The following TLN2 variants were observed in gnomAD, a reference collection of about 807,000 sequenced individuals.
The protein encoded by TLN2 is talin 2.
Under a neutral mutation model 294.7 loss-of-function variants are expected in TLN2, and 118 were observed. The ratio of observed to expected loss-of-function variants is 0.40; its 90% CI spans 0.34 to 0.47. The LOEUF (loss-of-function observed/expected upper bound fraction) is 0.47. TLN2 is among the 20% of genes least tolerant of loss of function. The pLI is 0.84. For synonymous variants in TLN2, 1,431 were observed against 1,304.5 expected, an observed-to-expected ratio of 1.10 and a Z score of -2.09; for missense variants, 3,083 against 3,282.2, an observed-to-expected ratio of 0.94 and a Z score of 1.48.
At chr15:62,702,236 A>C in intron 18 of TLN2, 36 bp downstream of exon 18, 2 of 1,542,080 alleles carry the variant, frequency 1.3e-6, no homozygotes. Context: ...TCAGGTTCTG[A>C]TGGGACAGCT....
chr15:62,676,815 G>T (rs547673625), intron 11 of TLN2, among the ~76,000 whole-genome samples: 1 of 152,096 alleles, frequency 6.6e-6, no homozygotes, highest in Non-Finnish European at 1.5e-5. Context: ...GGGTTTCACC[G>T]TGTTGCCCAG....
chr15:62,603,777 G>A (rs932538354), intron 2 of TLN2, among the ~76,000 whole-genome samples: 2 of 152,130 alleles, frequency 1.3e-5, no homozygotes, highest in African/African-American at 4.8e-5. Flanking sequence ...GGTGGAATCT[G>A]TGTTATGTCT....
chr15:62,509,729 C>T lies in TLN2; in HGVS notation c.-237-79958C>T, dbSNP rs546826876. On this transcript the variant is annotated intron_variant, in intron 1 of 58. Transcript: ENST00000636159. ...GCTTGTCAGGTCATGGCCATCCGTGCGCCTCCTTTACAGACAGGACCACTG... is the reference window on the plus strand; with the variant it reads ...GCTTGTCAGGTCATGGCCATCCGTGTGCCTCCTTTACAGACAGGACCACTG... Among the ~76,000 whole-genome samples, 36 of 152,234 alleles carry T rather than the reference C, an allele frequency of 2.4e-4. No individual in the cohort carries two copies. The South Asian group carries it at 6.2e-3, about 26-fold the overall frequency.
chr15:62,825,230 C>T (rs1025535196), intron 54 of TLN2, among the ~76,000 whole-genome samples: 1 of 152,144 alleles, frequency 6.6e-6, no homozygotes, highest in Non-Finnish European at 1.5e-5. Context: ...AGAACACCGG[C>T]TTTGGTTTTG....
In TLN2 at chr15:62,761,828, A is replaced by G; in HGVS notation, c.4779+7A>G. 6.2e-7 allele frequency: 1 copy of G among 1,613,992 alleles called. No homozygotes were observed. Among genetic ancestry groups the G allele is most frequent in the Non-Finnish European group, 8.5e-7 (1 of 1,179,936 alleles). ...TGCCCAGATCAGCTCCGAGGTAGGGAGTGTTTACAGGAACATCATACTAAG... is the reference window on the plus strand; with the variant it reads ...TGCCCAGATCAGCTCCGAGGTAGGGGGTGTTTACAGGAACATCATACTAAG... On this transcript the variant is annotated splice_region_variant and intron_variant, in intron 38 of 58. Coordinates refer to ENST00000636159, the MANE Select transcript of TLN2 (RefSeq NM_015059.3).
intron 2 of TLN2, among the ~76,000 whole-genome samples, chr15:62,616,379 G>A (rs1032654705): frequency 6.6e-6 from 1 of 152,184 alleles, no homozygotes; most frequent in African/African-American, 2.4e-5. Flanking sequence ...TGGCAAACAA[G>A]TTTCCATCTT....
intron 1 of TLN2, among the ~76,000 whole-genome samples, chr15:62,560,391 G>A (rs896682503): frequency 6.6e-6 from 1 of 152,104 alleles, no homozygotes; most frequent in Non-Finnish European, 1.5e-5. Context: ...AGGCTGGGGT[G>A]GAGTCTTGGG....
chr15:62,735,275 TTCA>T (rs2060948914), intron 28 of TLN2, among the ~76,000 whole-genome samples: 1 of 152,216 alleles, frequency 6.6e-6, no homozygotes, highest in African/African-American at 2.4e-5. Context: ...ATCTCCAGTC[TTCA>T]TCCTCTTCTT....
At chr15:62,635,006 C>T (rs1173389898) in intron 3 of TLN2, among the ~76,000 whole-genome samples, 1 of 152,196 alleles carries the variant, frequency 6.6e-6, no homozygotes, top group East Asian at 1.9e-4. Flanking sequence ...TTTGTCAATT[C>T]TGTCTCTTGG....
At chr15:62,727,716 T>A (rs575621660) in intron 28 of TLN2, among the ~76,000 whole-genome samples, 90 of 152,328 alleles carry the variant, frequency 5.9e-4, no homozygotes, top group Middle Eastern at 3.4e-3. Context: ...AGGAACAGAT[T>A]GCACAATCAT....
chr15:62,716,331 G>A lies in TLN2; in HGVS notation c.2635G>A (p.Gly879Arg). The change falls in exon 23 of 59, where the codon GGG (glycine) becomes AGG (arginine). Residue 879 changes from glycine to arginine, a missense_variant and splice_region_variant. Gly to Arg is a moderately radical substitution (Grantham distance 125). Coordinates refer to ENST00000636159, the MANE Select transcript of TLN2 (RefSeq NM_015059.3). ...GAAATCTTTATTTTTGCCTTTGCAG[G>A]GGGCTGCAGCCAACCCAGAGAATGA... is the stretch of plus-strand genomic sequence containing the variant. ...STARMVEAAKGAAANPENEDQ... is the reference protein window; with the variant it reads ...STARMVEAAKRAAANPENEDQ... The A allele has an allele frequency of 6.3e-7, 1 of 1,591,450 alleles. No homozygotes were observed. The highest frequency in any genetic ancestry group is 1.2e-5 in the South Asian group (1 of 86,796).
chr15:62,675,117 C>T, intron 10 of TLN2, 100 bp from the exon 11 acceptor site: 1 of 1,071,022 alleles, frequency 9.3e-7, no homozygotes, highest in Non-Finnish European at 1.4e-6. Context: ...AATGATCATT[C>T]CTAGCCATTT....
intron 47 of TLN2, 87 bp from the exon 48 acceptor site, chr15:62,797,132 C>G: frequency 6.9e-7 from 1 of 1,451,386 alleles, no homozygotes; most frequent in Non-Finnish European, 9.6e-7. Context: ...AACAAAAGCC[C>G]CATGTGAGGG....
intron 48 of TLN2, among the ~76,000 whole-genome samples, chr15:62,798,039 G>A (rs531664068): frequency 6.6e-6 from 1 of 152,330 alleles, no homozygotes; most frequent in South Asian, 2.1e-4. Flanking sequence ...AGGATGGAGT[G>A]TTTCAACCCA....
chr15:62,693,466 G>A (rs919773493), intron 13 of TLN2, among the ~76,000 whole-genome samples: 3 of 152,198 alleles, frequency 2.0e-5, no homozygotes, highest in Non-Finnish European at 4.4e-5. Flanking sequence ...CTACCAGGCA[G>A]TGAACAATAG....
intron 1 of TLN2, among the ~76,000 whole-genome samples, chr15:62,473,325 C>T (rs2140366276): frequency 6.6e-6 from 1 of 151,928 alleles, no homozygotes; most frequent in Non-Finnish European, 1.5e-5. Flanking sequence ...TTGGAGGTCC[C>T]TGTCACTAAC....
chr15:62,758,075 A>G (rs1053772618), intron 37 of TLN2, among the ~76,000 whole-genome samples: 5 of 152,160 alleles, frequency 3.3e-5, no homozygotes, highest in Non-Finnish European at 7.3e-5. Flanking sequence ...CTTAAGTTTT[A>G]TGCTGCTTAG....
rs755085894 is a variant in TLN2 at position 62,456,325 on chromosome 15, C to T, written c.-238+65640C>T. On this transcript the variant is annotated intron_variant, in intron 1 of 58. Transcript: ENST00000636159. ...TGACAAAAGGTGAAAAGCGTTTCAT[C>T]GGCTCTTCAGAGCTGCAGCAGTAGC... 5.3e-5 allele frequency among the ~76,000 whole-genome samples: 8 copies of T among 152,314 alleles called. No homozygotes were observed. The East Asian group carries it at 5.8e-4, about 11-fold the overall frequency.
At chr15:62,827,731 A>G (rs551593900) in intron 54 of TLN2, 1 of 152,344 alleles carries the variant, frequency 6.6e-6, no homozygotes, top group African/African-American at 2.4e-5. Flanking sequence ...AGACAGAGAA[A>G]CAGATTAATT....
Sources: allele counts gnomAD v4.1 joint callset (sites outside exome capture counted in the v4.1 genomes callset), GRCh38; gene constraint gnomAD v4.1.1; transcripts MANE v1.5; gene names NCBI Gene and HGNC (gene_info 2026-07-23, HGNC 2026-07-21).